Variants in RUNX2 observed in about 807,000 individuals in gnomAD.
RUNX2 encodes the protein runt-related transcription factor 2.
In RUNX2, 10 loss-of-function variants were observed where a neutral mutation model predicts 51.7. The observed-to-expected ratio is 0.19, with a 90% confidence interval of 0.12 to 0.33. RUNX2 has a LOEUF of 0.33. RUNX2 is among the 10% of genes least tolerant of loss of function. The pLI is 1.00. For synonymous variants in RUNX2, 276 were observed against 273.6 expected (o/e 1.01, Z -0.09); for missense variants, 562 against 691.3 (o/e 0.81, Z 2.10).
chr6:45,415,229 G>C (rs1798043152), intron 2 of RUNX2, among the ~76,000 whole-genome samples: 1 of 152,154 alleles, frequency 6.6e-6, no homozygotes, highest in Non-Finnish European at 1.5e-5. Context: ...AAGAATTATT[G>C]ACTATAACAG....
chr6:45,476,048 T>G (rs1453055473), intron 5 of RUNX2, among the ~76,000 whole-genome samples: 1 of 152,244 alleles, frequency 6.6e-6, no homozygotes, highest in African/African-American at 2.4e-5. Context: ...TATATGTGTT[T>G]ATTAGTTAAG....
At chr6:45,442,958 T>C (rs561895250) in intron 5 of RUNX2, among the ~76,000 whole-genome samples, 53 of 151,938 alleles carry the variant, frequency 3.5e-4, no homozygotes, top group African/African-American at 1.2e-3. Flanking sequence ...CATGTGGTCT[T>C]TCCCGCTGAG....
chr6:45,422,050 G>T (rs1190621448), intron 2 of RUNX2: 1 of 147,662 alleles, frequency 6.8e-6, no homozygotes, highest in Non-Finnish European at 1.5e-5. Context: ...AGGCGGCGGC[G>T]CGGGAGGGCG....
In RUNX2 at chr6:45,422,750, GGCGGCGGCGGCGGCT is replaced by G. The variant is rs759220330; in HGVS notation, c.231_245del (p.Ala85_Ala89del). 47 of 1,332,704 alleles carry G rather than the reference GGCGGCGGCGGCGGCT, an allele frequency of 3.5e-5. 4 individuals are homozygous for G. Among genetic ancestry groups the G allele is most frequent in the Admixed American group, 1.2e-4 (5 of 40,528 alleles). The allele number at this position is 1,332,704 out of a possible 1,614,324, so 82.6% of individuals were successfully genotyped here. On this transcript the variant is annotated inframe_deletion, in exon 3 of 9. Coordinates refer to ENST00000647337, the MANE Select transcript of RUNX2 (RefSeq NM_001024630.4). ...AGCAACAGCAGCAGCAGCAGCAGGA[GGCGGCGGCGGCGGCT>G]GCGGCGGCGGCGGCGGCTGCGGCGG...
chr6:45,404,027 A>C (rs903120224), intron 2 of RUNX2, among the ~76,000 whole-genome samples: 1 of 152,130 alleles, frequency 6.6e-6, no homozygotes, highest in Admixed American at 6.5e-5. Context: ...TGGGAGGCCA[A>C]GGTGGGTGGA....
At chr6:45,420,675 G>A (rs570156069) in intron 2 of RUNX2, among the ~76,000 whole-genome samples, 18 of 152,314 alleles carry the variant, frequency 1.2e-4, no homozygotes, top group Admixed American at 6.5e-4. Flanking sequence ...GCTTTAAAGA[G>A]TTTGGTAATA....
At chr6:45,492,154 C>T (rs1317556133) in intron 6 of RUNX2, 40 bp downstream of exon 6, 17 of 1,604,810 alleles carry the variant, frequency 1.1e-5, no homozygotes, top group Non-Finnish European at 1.4e-5. Context: ...TAGACGCTGG[C>T]AGGCTGGGGG....
intron 2 of RUNX2, among the ~76,000 whole-genome samples, chr6:45,370,529 ATT>A (rs1161525588): frequency 6.6e-6 from 1 of 152,176 alleles, no homozygotes; most frequent in Non-Finnish European, 1.5e-5. Context: ...TGGTCACAAG[ATT>A]TTTGTTAAGG....
chr6:45,546,818 A>G lies in RUNX2; in HGVS notation c.1088-9A>G. 2 of 1,604,162 alleles carry G rather than the reference A, an allele frequency of 1.2e-6. No individual in the cohort carries two copies. The highest frequency in any genetic ancestry group is 2.2e-5 in the South Asian group (2 of 90,874). On this transcript the variant is annotated splice_polypyrimidine_tract_variant and intron_variant, in intron 8 of 8. Coordinates refer to ENST00000647337, the MANE Select transcript of RUNX2 (RefSeq NM_001024630.4). ...GATTTTTCCCTCCATCTTCTGTTAT[A>G]ATTTTTAGGTGCTTCAGAACTGGGC...
intron 2 of RUNX2, among the ~76,000 whole-genome samples, chr6:45,415,762 A>C (rs1798057631): frequency 6.6e-6 from 1 of 152,188 alleles, no homozygotes; most frequent in Non-Finnish European, 1.5e-5. Context: ...CCACCGACAA[A>C]ACATGATTGC....
intron 2 of RUNX2, among the ~76,000 whole-genome samples, chr6:45,380,159 A>G (rs1245402163): frequency 6.6e-6 from 1 of 152,252 alleles, no homozygotes; most frequent in African/African-American, 2.4e-5. Flanking sequence ...TTCATATCAA[A>G]TATCCTAAAC....
intron 2 of RUNX2, among the ~76,000 whole-genome samples, chr6:45,341,220 G>A (rs972961778): frequency 1.3e-5 from 2 of 152,158 alleles, no homozygotes; most frequent in African/African-American, 4.8e-5. Context: ...CTCTGGCAGA[G>A]GGTAGGAATA....
Position 45,422,765 on chromosome 6 carries a change from TGCGGCGGCGGCGGCGGCTGCGGCG to T in RUNX2, c.237_260del (p.Ala82_Ala89del), listed in dbSNP as rs767890933. On this transcript the variant is annotated inframe_deletion, in exon 3 of 9. Transcript: ENST00000647337. ...AGCAGCAGGAGGCGGCGGCGGCGGCTGCGGCGGCGGCGGCGGCTGCGGCGGCGGCAGCTGCAGTGCCCCGGTTGC... is the reference window on the plus strand; with the variant it reads ...AGCAGCAGGAGGCGGCGGCGGCGGCTGCGGCAGCTGCAGTGCCCCGGTTGC... The T allele has an allele frequency of 2.8e-5, 38 of 1,334,520 alleles. 10 individuals are homozygous for T. In the South Asian group the frequency reaches 5.0e-4, roughly 18 times the overall value. The allele number at this position is 1,334,520 out of a possible 1,614,324, so 82.7% of individuals were successfully genotyped here. A position where few individuals can be genotyped will look rare whatever the true frequency, so the allele number is the denominator to read the frequency against.
At chr6:45,545,089 A>C (rs1344855663) in intron 7 of RUNX2, 128 bp from the exon 8 acceptor site, 3 of 778,144 alleles carry the variant, frequency 3.9e-6, no homozygotes, top group Non-Finnish European at 4.4e-6. Context: ...GGAAATACTA[A>C]TGAGGGATGG....
chr6:45,330,346 C>T (rs1787212429), intron 2 of RUNX2, among the ~76,000 whole-genome samples: 1 of 151,848 alleles, frequency 6.6e-6, no homozygotes, highest in Non-Finnish European at 1.5e-5. Flanking sequence ...TTTGTTACTA[C>T]TACCCAAGAG....
intron 2 of RUNX2, among the ~76,000 whole-genome samples, chr6:45,406,472 T>C (rs188539314): frequency 6.6e-6 from 1 of 152,324 alleles, no homozygotes; most frequent in African/African-American, 2.4e-5. Flanking sequence ...TGGGGTGCAA[T>C]GGTACAATCT....
At chr6:45,387,757 G>A (rs553729517) in intron 2 of RUNX2, among the ~76,000 whole-genome samples, 11 of 152,312 alleles carry the variant, frequency 7.2e-5, no homozygotes, top group Middle Eastern at 3.4e-3. Context: ...AACAAGGAAC[G>A]TTGAGAGGGT....
chr6:45,522,836 A>T (rs762926880), intron 7 of RUNX2, among the ~76,000 whole-genome samples: 2 of 152,240 alleles, frequency 1.3e-5, no homozygotes, highest in African/African-American at 2.4e-5. Flanking sequence ...TGTGACTATT[A>T]TTAGAAATTG....
chr6:45,380,422 G>A (rs541457558), intron 2 of RUNX2, among the ~76,000 whole-genome samples: 2 of 152,162 alleles, frequency 1.3e-5, no homozygotes, highest in Non-Finnish European at 2.9e-5. Context: ...TAATATTCAC[G>A]TAGACTCACT....
Sources: allele counts gnomAD v4.1 joint callset (sites outside exome capture counted in the v4.1 genomes callset), GRCh38; gene constraint gnomAD v4.1.1; transcripts MANE v1.5; gene names NCBI Gene and HGNC (gene_info 2026-07-23, HGNC 2026-07-21).